The following SUFU variants were observed in gnomAD, a reference collection of about 807,000 sequenced individuals.
The protein encoded by SUFU is SUFU negative regulator of hedgehog signaling.
In SUFU, 7 loss-of-function variants were observed where a neutral mutation model predicts 58.9. That is an observed-to-expected ratio of 0.12 (90% CI 0.07 to 0.22). SUFU has a LOEUF of 0.22. Among genes scored for constraint, SUFU ranks in the 10% least tolerant of loss-of-function variants. The probability of loss-of-function intolerance (pLI) is 1.00; values close to 1 mark genes in which losing one functional copy is unlikely to be tolerated. For synonymous variants in SUFU, 232 were observed against 254.8 expected (o/e 0.91, Z 0.85); for missense variants, 451 against 641.3 (o/e 0.70, Z 3.20).
At chr10:102,593,592 G>T (rs2135870166) in intron 4 of SUFU, 44 bp from the exon 5 acceptor site, 3 of 1,597,824 alleles carry the variant, frequency 1.9e-6, no homozygotes, top group Non-Finnish European at 2.6e-6. Context: ...TTGGGGTGGG[G>T]GGTGGCCATT....
At chr10:102,515,117 T>G (rs1207212367) in intron 2 of SUFU, among the ~76,000 whole-genome samples, 1 of 152,166 alleles carries the variant, frequency 6.6e-6, no homozygotes, top group African/African-American at 2.4e-5. Context: ...CTGACCGGCT[T>G]TCTGGGGCTG....
chr10:102,559,368 A>C (rs1449087578), intron 3 of SUFU, among the ~76,000 whole-genome samples: 2 of 118,692 alleles, frequency 1.7e-5, no homozygotes, highest in African/African-American at 3.1e-5. Flanking sequence ...TGGGCAAAAC[A>C]CTCCCCACCT....
At chr10:102,548,869 G>A (rs1224740969) in intron 2 of SUFU, among the ~76,000 whole-genome samples, 1 of 152,174 alleles carries the variant, frequency 6.6e-6, no homozygotes, top group Non-Finnish European at 1.5e-5. Flanking sequence ...AATGAATTGT[G>A]GCCACAGAAG....
chr10:102,516,787 G>T lies in SUFU; in HGVS notation c.317+7484G>T, dbSNP rs971670621. On this transcript the variant is annotated intron_variant, in intron 2 of 11. Coordinates refer to ENST00000369902, the MANE Select transcript of SUFU (RefSeq NM_016169.4). ...GGTCTCGATCTCTTGACCTTGTGCT[G>T]GGATTACAGGTGTAAGCCTCTGTAC... Among the ~76,000 whole-genome samples, 7 of 151,968 alleles carry T rather than the reference G, an allele frequency of 4.6e-5. No individual in the cohort carries two copies. In the East Asian group the frequency reaches 1.4e-3, roughly 30 times the overall value.
chr10:102,544,472 G>A (rs1381834317), intron 2 of SUFU, among the ~76,000 whole-genome samples: 2 of 151,956 alleles, frequency 1.3e-5, no homozygotes, highest in African/African-American at 4.8e-5. Flanking sequence ...AGGCCGAGAC[G>A]GGCAGATCAC....
intron 2 of SUFU, 73 bp from the exon 3 acceptor site, chr10:102,549,897 A>G: frequency 6.3e-7 from 1 of 1,593,572 alleles, no homozygotes; most frequent in Non-Finnish European, 8.6e-7. Flanking sequence ...AAAGGGGGAG[A>G]ACTTTAGACT....
At chr10:102,540,032 G>T (rs1590008015) in intron 2 of SUFU, among the ~76,000 whole-genome samples, 1 of 152,194 alleles carries the variant, frequency 6.6e-6, no homozygotes, top group Non-Finnish European at 1.5e-5. Flanking sequence ...CTTGAGTTTG[G>T]CTTCTCTCTA....
intron 8 of SUFU, among the ~76,000 whole-genome samples, chr10:102,600,298 A>G (rs1213764326): frequency 1.3e-5 from 2 of 152,118 alleles, no homozygotes; most frequent in Admixed American, 1.3e-4. Context: ...CAGGGAGGAA[A>G]TTGCTGTGCC....
Position 102,575,572 on chromosome 10 carries a change from A to G in SUFU, c.455-17010A>G, listed in dbSNP as rs530848803. 1.7e-3 allele frequency among the ~76,000 whole-genome samples: 254 copies of G among 152,298 alleles called. 2 individuals carry two copies. Among genetic ancestry groups the G allele is most frequent in the African/African-American group, 5.9e-3 (247 of 41,556 alleles). ...ATAATCCATTAACTTATTAATCTAT[A>G]TATGAGGGCAGGGCCCACATGACCC... On this transcript the variant is annotated intron_variant, in intron 3 of 11. Transcript: ENST00000369902.
At chr10:102,512,041 A>G (rs2062406058) in intron 2 of SUFU, among the ~76,000 whole-genome samples, 1 of 152,162 alleles carries the variant, frequency 6.6e-6, no homozygotes, top group Admixed American at 6.6e-5. Context: ...CCACTGGGCT[A>G]TTCCACCTCT....
intron 3 of SUFU, among the ~76,000 whole-genome samples, chr10:102,581,521 C>T (rs1243327960): frequency 6.6e-6 from 1 of 152,196 alleles, no homozygotes; most frequent in African/African-American, 2.4e-5. Context: ...AAGGAGCTGT[C>T]TTCCAATCTC....
At chr10:102,506,768 G>A (rs544692091) in intron 1 of SUFU, among the ~76,000 whole-genome samples, 1 of 152,290 alleles carries the variant, frequency 6.6e-6, no homozygotes, top group Admixed American at 6.5e-5. Flanking sequence ...GGGATCCCAC[G>A]AGGTTTCTAG....
intron 7 of SUFU, among the ~76,000 whole-genome samples, chr10:102,598,618 A>G (rs1295142064): frequency 6.6e-6 from 1 of 152,244 alleles, no homozygotes; most frequent in African/African-American, 2.4e-5. Context: ...ATTACTGGCT[A>G]TTTTTAAAAA....
At chr10:102,548,674 T>C (rs556581501) in intron 2 of SUFU, among the ~76,000 whole-genome samples, 1 of 152,286 alleles carries the variant, frequency 6.6e-6, no homozygotes, top group East Asian at 1.9e-4. Context: ...CTCATGTAGC[T>C]CTCCCTGGAT....
At chr10:102,574,697 A>C (rs2063195692) in intron 3 of SUFU, among the ~76,000 whole-genome samples, 1 of 152,238 alleles carries the variant, frequency 6.6e-6, no homozygotes, top group African/African-American at 2.4e-5. Context: ...GATTCTAATT[A>C]GCAAGATGAA....
At chr10:102,582,752 G>C (rs2063295514) in intron 3 of SUFU, among the ~76,000 whole-genome samples, 1 of 152,156 alleles carries the variant, frequency 6.6e-6, no homozygotes, top group Non-Finnish European at 1.5e-5. Context: ...CAACATAAAA[G>C]TCGGGTAGCT....
At chr10:102,570,415 T>TC (rs1488837611) in intron 3 of SUFU, among the ~76,000 whole-genome samples, 2 of 152,042 alleles carry the variant, frequency 1.3e-5, no homozygotes, top group Non-Finnish European at 2.9e-5. Flanking sequence ...CTAATTCTTA[T>TC]ATTTTTTAGT....
intron 3 of SUFU, among the ~76,000 whole-genome samples, chr10:102,552,505 G>C (rs1434617216): frequency 1.3e-5 from 2 of 151,946 alleles, no homozygotes; most frequent in African/African-American, 2.4e-5. Context: ...GGCAGGGACT[G>C]TTCTACATTA....
chr10:102,531,451 G>A (rs2135697824), intron 2 of SUFU, among the ~76,000 whole-genome samples: 1 of 152,196 alleles, frequency 6.6e-6, no homozygotes, highest in South Asian at 2.1e-4. Context: ...TGCTGGACAG[G>A]TCACCTTTCT....
Sources: allele counts gnomAD v4.1 joint callset (sites outside exome capture counted in the v4.1 genomes callset), GRCh38; gene constraint gnomAD v4.1.1; transcripts MANE v1.5; gene names NCBI Gene and HGNC (gene_info 2026-07-23, HGNC 2026-07-21).